FOXP1: variants seen among roughly 807,000 people sequenced by gnomAD.
FOXP1 encodes the protein forkhead box P1.
A neutral mutation model predicts 98.2 loss-of-function variants in FOXP1; 15 were observed. That is an observed-to-expected ratio of 0.15 (90% CI 0.10 to 0.24). The LOEUF (loss-of-function observed/expected upper bound fraction) is 0.24. Ranked by LOEUF, FOXP1 falls within the 10% of genes least tolerant of loss-of-function variation. The pLI, the probability that FOXP1 is intolerant of heterozygous loss-of-function variation, is 1.00. For missense variants in FOXP1, 633 were observed against 848.5 expected (o/e 0.75, Z 3.15); for synonymous variants, 371 against 314.5 (o/e 1.18, Z -1.90).
intron 3 of FOXP1, among the ~76,000 whole-genome samples, chr3:71,450,617 C>T (rs1428634490): frequency 6.6e-6 from 1 of 152,174 alleles, no homozygotes; most frequent in Non-Finnish European, 1.5e-5. Flanking sequence ...TGCCCTTTCT[C>T]TTAAAGAAAG....
chr3:71,523,515 T>C (rs1308813063), intron 2 of FOXP1, among the ~76,000 whole-genome samples: 6 of 152,204 alleles, frequency 3.9e-5, no homozygotes, highest in Non-Finnish European at 8.8e-5. Flanking sequence ...TGCCAATATA[T>C]TGTTTTGAAT....
chr3:71,194,434 C>T lies in FOXP1; in HGVS notation c.180+3768G>A, dbSNP rs116089312. ...GCATATGCTGTATATGGAGAAACTTCTAAACATTATGCTCTATGTAATATG... is the reference window on the plus strand; with the variant it reads ...GCATATGCTGTATATGGAGAAACTTTTAAACATTATGCTCTATGTAATATG... On this transcript the variant is annotated intron_variant, in intron 6 of 20. Coordinates refer to ENST00000649528, the MANE Select transcript of FOXP1 (RefSeq NM_001349338.3). Among the ~76,000 whole-genome samples the T allele has an allele frequency of 9.4e-3, 1,438 of 152,218 alleles. 13 individuals are homozygous for T. The highest frequency in any genetic ancestry group is 0.017 in the Middle Eastern group (5 of 294).
chr3:71,476,735 G>GTCA lies in FOXP1; in HGVS notation c.-168+16688_-168+16690dup, dbSNP rs1308297306. Among the ~76,000 whole-genome samples, 23 of 150,094 alleles carry GTCA rather than the reference G, an allele frequency of 1.5e-4. No individual in the cohort carries two copies. The Admixed American group carries it at 1.5e-3, about 10-fold the overall frequency. ...GCCAGGCTGGTCTCAAACTCCTGGCGTCACGTGATCTGCCCACCTTGGCCT... is the reference window on the plus strand; with the variant it reads ...GCCAGGCTGGTCTCAAACTCCTGGCGTCATCACGTGATCTGCCCACCTTGGCCT... On this transcript the variant is annotated intron_variant, in intron 3 of 20. Transcript: ENST00000649528.
intron 19 of FOXP1, chr3:70,968,976 G>GGAAAACGGCAGGACAGTTTT (rs2035581885): frequency 6.6e-6 from 1 of 152,102 alleles, no homozygotes; most frequent in Non-Finnish European, 1.5e-5. Context: ...AAGTGTTCTT[G>GGAAAACGGCAGGACAGTTTT]GAAAACGGCA....
chr3:71,034,113 ACCT>A (rs2047256364), intron 11 of FOXP1, among the ~76,000 whole-genome samples: 1 of 152,004 alleles, frequency 6.6e-6, no homozygotes, highest in South Asian at 2.1e-4. Context: ...CTGGTTTCTA[ACCT>A]CCTGACTTCC....
chr3:71,367,003 AC>A (rs900511082), intron 3 of FOXP1, among the ~76,000 whole-genome samples: 1 of 152,216 alleles, frequency 6.6e-6, no homozygotes, highest in East Asian at 1.9e-4. Context: ...ATGATGGCAC[AC>A]AATAATTTGT....
chr3:71,583,425 T>G, intron 1 of FOXP1, 146 bp downstream of exon 1: 2 of 886,454 alleles, frequency 2.3e-6, no homozygotes, highest in Non-Finnish European at 2.7e-6. Flanking sequence ...GGAAAGTAGT[T>G]GTTTTTTTTT....
At chr3:71,394,872 G>A (rs535894215) in intron 3 of FOXP1, among the ~76,000 whole-genome samples, 3 of 152,088 alleles carry the variant, frequency 2.0e-5, no homozygotes, top group South Asian at 4.2e-4. Flanking sequence ...AGGCCGAGAC[G>A]GGCAGATCAC....
chr3:71,146,697 ACG>A (rs1358670425), intron 6 of FOXP1, among the ~76,000 whole-genome samples: 3 of 148,734 alleles, frequency 2.0e-5, no homozygotes, highest in South Asian at 2.1e-4. Flanking sequence ...TGAGTTTAAA[ACG>A]TGTAAAAATA....
At chr3:71,390,851 G>A (rs781640096) in intron 3 of FOXP1, among the ~76,000 whole-genome samples, 1 of 152,106 alleles carries the variant, frequency 6.6e-6, no homozygotes, top group Non-Finnish European at 1.5e-5. Flanking sequence ...GAAGAGATGA[G>A]CCCCCCATCT....
chr3:71,542,226 T>C, intron 2 of FOXP1: 2 of 366,838 alleles, frequency 5.5e-6, no homozygotes, highest in South Asian at 2.2e-5. Context: ...TGCAGGAATA[T>C]TTTCATTGGT....
At chr3:71,082,407 G>A (rs778514612) in intron 7 of FOXP1, among the ~76,000 whole-genome samples, 5 of 147,842 alleles carry the variant, frequency 3.4e-5, no homozygotes, top group East Asian at 4.2e-4. Context: ...GTTCTCACTC[G>A]TAAGTGGGAG....
intron 7 of FOXP1, among the ~76,000 whole-genome samples, chr3:71,112,080 C>T (rs769688323): frequency 8.3e-6 from 1 of 120,200 alleles, no homozygotes; most frequent in East Asian, 2.8e-4. Context: ...CAACGAAAAA[C>T]GTCTCTAGAC....
At chr3:71,332,632 G>A (rs985907067) in intron 4 of FOXP1, 1 of 152,610 alleles carries the variant, frequency 6.6e-6, no homozygotes, top group Non-Finnish European at 1.5e-5. Flanking sequence ...CAGCTACTCG[G>A]GAGGCTGAGG....
chr3:71,236,856 C>T (rs888444789), intron 5 of FOXP1, among the ~76,000 whole-genome samples: 2 of 143,088 alleles, frequency 1.4e-5, no homozygotes, highest in Admixed American at 7.0e-5. Flanking sequence ...CTGAGTGACA[C>T]AGCGAGATCC....
chr3:71,562,474 T>C (rs1430455083), intron 2 of FOXP1, among the ~76,000 whole-genome samples: 2 of 152,154 alleles, frequency 1.3e-5, no homozygotes, highest in Non-Finnish European at 2.9e-5. Context: ...TACTGAACTA[T>C]GTGTTGGGCT....
chr3:71,224,567 A>G (rs1026728044), intron 5 of FOXP1, among the ~76,000 whole-genome samples: 1 of 152,242 alleles, frequency 6.6e-6, no homozygotes, highest in African/African-American at 2.4e-5. Context: ...GAAGTGTCTC[A>G]GAAAACATAC....
chr3:71,242,299 G>A (rs1157360262), intron 5 of FOXP1, among the ~76,000 whole-genome samples: 2 of 152,116 alleles, frequency 1.3e-5, no homozygotes, highest in Non-Finnish European at 2.9e-5. Flanking sequence ...CAGAAAACTT[G>A]CTGCACCTAT....
At chr3:71,010,227 A>G (rs2043388023) in intron 12 of FOXP1, among the ~76,000 whole-genome samples, 1 of 152,232 alleles carries the variant, frequency 6.6e-6, no homozygotes, top group South Asian at 2.1e-4. Context: ...TGCCAAGCAG[A>G]AAGCAAACTG....
Sources: allele counts gnomAD v4.1 joint callset (sites outside exome capture counted in the v4.1 genomes callset), GRCh38; gene constraint gnomAD v4.1.1; transcripts MANE v1.5; gene names NCBI Gene and HGNC (gene_info 2026-07-23, HGNC 2026-07-21).